Variants in ME3 observed in about 807,000 individuals in gnomAD.
The protein encoded by ME3 is NADP-dependent malic enzyme, mitochondrial.
A neutral mutation model predicts 68.9 loss-of-function variants in ME3; 48 were observed. That is an observed-to-expected ratio of 0.70 (90% CI 0.55 to 0.89). The LOEUF (loss-of-function observed/expected upper bound fraction) is 0.89, where lower values mean the gene tolerates loss of function less well. ME3 is among the 40% of genes least tolerant of loss of function. ME3 has a pLI of 0.00. For synonymous variants in ME3, 320 were observed against 318.8 expected, an observed-to-expected ratio of 1.00 and a Z score of -0.04; for missense variants, 675 against 797.4, an observed-to-expected ratio of 0.85 and a Z score of 1.85.
At chr11:86,495,342 C>T (rs1228142006) in intron 6 of ME3, among the ~76,000 whole-genome samples, 1 of 152,192 alleles carries the variant, frequency 6.6e-6, no homozygotes, top group Non-Finnish European at 1.5e-5. Context: ...GGATTTGTTA[C>T]AAGTTAGAGC....
At chr11:86,553,907 C>T (rs1449216667) in intron 4 of ME3, among the ~76,000 whole-genome samples, 1 of 152,160 alleles carries the variant, frequency 6.6e-6, no homozygotes, top group Non-Finnish European at 1.5e-5. Flanking sequence ...GTGGTGGTTG[C>T]CTGTCTACAC....
At chr11:86,512,100 C>T (rs147969313) in intron 4 of ME3, among the ~76,000 whole-genome samples, 2 of 152,174 alleles carry the variant, frequency 1.3e-5, no homozygotes, top group Non-Finnish European at 2.9e-5. Flanking sequence ...TAATTAAACC[C>T]TTCCTTTACT....
intron 2 of ME3, among the ~76,000 whole-genome samples, chr11:86,612,530 C>T (rs1405804547): frequency 6.6e-6 from 1 of 152,222 alleles, no homozygotes; most frequent in Non-Finnish European, 1.5e-5. Context: ...TCCCCACCAA[C>T]AGTGTAAAAG....
At chr11:86,446,361 C>A (rs150877367) in exon 13 of ME3, 1 of 1,614,064 alleles carries the variant, frequency 6.2e-7, no homozygotes, top group Non-Finnish European at 8.5e-7. Flanking sequence ...CGGATCCCGC[C>A]GGCGATGACT....
intron 7 of ME3, among the ~76,000 whole-genome samples, chr11:86,479,289 A>C (rs567618675): frequency 2.0e-5 from 3 of 152,294 alleles, no homozygotes; most frequent in Non-Finnish European, 4.4e-5. Flanking sequence ...CTATGCCACC[A>C]GTTTCCCTGG....
At chr11:86,477,523 G>A (rs549073850) in intron 7 of ME3, among the ~76,000 whole-genome samples, 10 of 152,052 alleles carry the variant, frequency 6.6e-5, no homozygotes, top group Non-Finnish European at 1.3e-4. Flanking sequence ...CCTGCTCCCC[G>A]CCACCCATAA....
chr11:86,543,603 A>G (rs1956180771), intron 4 of ME3, among the ~76,000 whole-genome samples: 1 of 152,228 alleles, frequency 6.6e-6, no homozygotes, highest in African/African-American at 2.4e-5. Flanking sequence ...AAGAAGAGCT[A>G]ACTATCCTAA....
intron 14 of ME3, among the ~76,000 whole-genome samples, chr11:86,442,040 G>A (rs3824954): frequency 0.47 from 71,103 of 151,960 alleles, 17,083 homozygotes; most frequent in African/African-American, 0.55. Flanking sequence ...GCTGTTGTAC[G>A]ATGCATTTTC....
At chr11:86,515,643 A>C (rs1953844254) in intron 4 of ME3, among the ~76,000 whole-genome samples, 1 of 152,182 alleles carries the variant, frequency 6.6e-6, no homozygotes, top group Non-Finnish European at 1.5e-5. Context: ...CAGTCTGGTA[A>C]GTCTGAAGGG....
chr11:86,645,329 C>T (rs1466094680), intron 2 of ME3, among the ~76,000 whole-genome samples: 1 of 152,222 alleles, frequency 6.6e-6, no homozygotes, highest in Non-Finnish European at 1.5e-5. Flanking sequence ...ATTCTCACTG[C>T]CAGCACAGCA....
intron 4 of ME3, among the ~76,000 whole-genome samples, chr11:86,525,636 G>T (rs1015322839): frequency 2.6e-5 from 4 of 152,152 alleles, no homozygotes; most frequent in African/African-American, 9.7e-5. Flanking sequence ...GCCAAGGTGG[G>T]TGGATCACCT....
chr11:86,559,602 A>T, intron 3 of ME3, 88 bp downstream of exon 3: 1 of 1,449,098 alleles, frequency 6.9e-7, no homozygotes, highest in Non-Finnish European at 9.2e-7. Context: ...TTTTAGCTGG[A>T]GAGTTTCCAG....
chr11:86,576,154 C>T (rs1441480341), intron 2 of ME3, among the ~76,000 whole-genome samples: 2 of 152,116 alleles, frequency 1.3e-5, no homozygotes, highest in Non-Finnish European at 2.9e-5. Flanking sequence ...TAGCTAACAT[C>T]GTTATTTGTT....
Position 86,491,825 on chromosome 11 carries a change from TTAAG to T in ME3, c.706-4389_706-4386del, listed in dbSNP as rs568932991. Among the ~76,000 whole-genome samples, 948 of 152,372 alleles carry T rather than the reference TTAAG, an allele frequency of 6.2e-3. 3 individuals are homozygous for T. Among genetic ancestry groups the T allele is most frequent in the South Asian group, 0.02 (98 of 4,830 alleles). On this transcript the variant is annotated intron_variant, in intron 6 of 14. Transcript: ENST00000543262. ...AATAATTAAAAAGAAATGTTTAGAA[TTAAG>T]TGTGACCCATGTATTACATGGAACA... is the stretch of plus-strand genomic sequence containing the variant.
intron 12 of ME3, 76 bp from the exon 13 acceptor site, chr11:86,446,563 C>G: frequency 7.0e-7 from 1 of 1,420,036 alleles, no homozygotes; most frequent in African/African-American, 1.4e-5. Flanking sequence ...TCTTATCTTC[C>G]AAATGTTGGA....
At chr11:86,602,042 A>T (rs1306897383) in intron 2 of ME3, among the ~76,000 whole-genome samples, 3 of 150,322 alleles carry the variant, frequency 2.0e-5, no homozygotes, top group Non-Finnish European at 3.0e-5. Context: ...GAAAACTGGC[A>T]CAAGACAGGG....
chr11:86,632,356 G>C (rs1370437111), intron 2 of ME3, among the ~76,000 whole-genome samples: 2 of 152,256 alleles, frequency 1.3e-5, no homozygotes, highest in East Asian at 1.9e-4. Flanking sequence ...ATGGCCAAGG[G>C]GGGTGGGGTA....
chr11:86,584,638 A>T (rs1958629460), intron 2 of ME3, among the ~76,000 whole-genome samples: 1 of 152,252 alleles, frequency 6.6e-6, no homozygotes, highest in African/African-American at 2.4e-5. Flanking sequence ...CCTGCAATAT[A>T]CAACAATATG....
At position 86,467,662 on chromosome 11, in the gene ME3, T is replaced by TTC. The variant is rs57747402; in HGVS notation, c.810-2464_810-2463dup. Among the ~76,000 whole-genome samples, 651 of 144,396 alleles carry TTC rather than the reference T, an allele frequency of 4.5e-3. 4 individuals are homozygous for TTC. The highest frequency in any genetic ancestry group is 0.01 in the East Asian group (50 of 4,836). 94.7% of individuals were successfully genotyped at this position (144,396 alleles called of 152,430 possible). A position where few individuals can be genotyped will look rare whatever the true frequency, so the allele number is the denominator to read the frequency against. On this transcript the variant is annotated intron_variant, in intron 7 of 14. Transcript: ENST00000543262. ...TCTCTGTGTGTCTGTCTCTCTCTGTTTCTCTCTCTCTCTCTCTCTCTCTCT... is the reference window on the plus strand; with the variant it reads ...TCTCTGTGTGTCTGTCTCTCTCTGTTTCTCTCTCTCTCTCTCTCTCTCTCTCT...
Sources: allele counts gnomAD v4.1 joint callset (sites outside exome capture counted in the v4.1 genomes callset), GRCh38; gene constraint gnomAD v4.1.1; transcripts MANE v1.5; gene names NCBI Gene and HGNC (gene_info 2026-07-23, HGNC 2026-07-21).